Variants in CDS2 observed in about 807,000 individuals in gnomAD.
CDS2 encodes the protein CDP-diacylglycerol synthase 2.
A neutral mutation model predicts 59.0 loss-of-function variants in CDS2; 47 were observed. The ratio of observed to expected loss-of-function variants is 0.80; its 90% CI spans 0.63 to 1.02. CDS2 has a LOEUF of 1.02. CDS2 is among the 50% of genes least tolerant of loss of function. CDS2 has a pLI of 0.00. For synonymous variants in CDS2, 207 were observed against 206.4 expected, an observed-to-expected ratio of 1.00 and a Z score of -0.02; for missense variants, 356 against 558.9, an observed-to-expected ratio of 0.64 and a Z score of 3.66.
At chr20:5,132,875 TAGA>T (rs965052838) in intron 1 of CDS2, among the ~76,000 whole-genome samples, 14 of 152,244 alleles carry the variant, frequency 9.2e-5, no homozygotes, top group African/African-American at 3.1e-4. Flanking sequence ...GGTATTTCAT[TAGA>T]AGAATTTTTA....
rs766148505 is a variant in CDS2, at chr20:5,134,645, C to T, written c.57+7496C>T. Among the ~76,000 whole-genome samples, 46 of 152,178 alleles carry T rather than the reference C, an allele frequency of 3.0e-4. No homozygotes were observed. In the East Asian group the frequency reaches 3.3e-3, roughly 11 times the overall value. On this transcript the variant is annotated intron_variant, in intron 1 of 12. Transcript: ENST00000460006. Reference sequence around the variant, plus strand: ...AAGTGATTCTCCTGCCTCAGCCTCCCGAGTAGCTGGGATTACAGGCGCCCA... The same window carrying T: ...AAGTGATTCTCCTGCCTCAGCCTCCTGAGTAGCTGGGATTACAGGCGCCCA...
intron 1 of CDS2, among the ~76,000 whole-genome samples, chr20:5,137,442 C>T (rs1203579130): frequency 6.6e-6 from 1 of 151,838 alleles, no homozygotes; most frequent in Non-Finnish European, 1.5e-5. Flanking sequence ...TGGGTTTCAC[C>T]ATGTTAGCCA....
intron 10 of CDS2, 156 bp downstream of exon 10, chr20:5,186,995 A>G (rs1330978172): frequency 1.5e-5 from 9 of 615,248 alleles, no homozygotes; most frequent in African/African-American, 5.6e-5. Flanking sequence ...AGGTCAGGGT[A>G]TGGGCAGGAC....
In CDS2 at chr20:5,195,393, A is replaced by G. The variant is rs1468004103; in HGVS notation, c.*5159A>G. Reference sequence around the variant, plus strand: ...CACCATTTAGGAGGCCACCCTAACGAGGCAAGAGGACATGGGGGTGTGCAG... The same window carrying G: ...CACCATTTAGGAGGCCACCCTAACGGGGCAAGAGGACATGGGGGTGTGCAG... On this transcript the variant is annotated 3_prime_UTR_variant, in exon 13 of 13. Coordinates refer to ENST00000460006, the MANE Select transcript of CDS2 (RefSeq NM_003818.4). 1 of 152,132 alleles carries G rather than the reference A, an allele frequency of 6.6e-6. No homozygotes were observed. The highest frequency in any genetic ancestry group is 2.4e-5 in the African/African-American group (1 of 41,356). 9.4% of individuals were successfully genotyped at this position (152,132 alleles called of 1,614,324 possible). A position where few individuals can be genotyped will look rare whatever the true frequency, so the allele number is the denominator to read the frequency against.
At chr20:5,166,502 T>C (rs1346280281) in intron 1 of CDS2, among the ~76,000 whole-genome samples, 3 of 151,772 alleles carry the variant, frequency 2.0e-5, no homozygotes, top group Non-Finnish European at 2.9e-5. Flanking sequence ...TGAGAATGAA[T>C]GGGGAAACTC....
chr20:5,127,237 C>T, intron 1 of CDS2, 88 bp downstream of exon 1: 2 of 1,185,524 alleles, frequency 1.7e-6, no homozygotes, highest in South Asian at 1.7e-5. Context: ...TCGTCTTGTT[C>T]TCTGACCCTT....
rs779812337 is a variant in CDS2 at position 5,183,158 on chromosome 20, T to G, written c.671+15T>G. The G allele has an allele frequency of 3.1e-6, 5 of 1,607,908 alleles. No individual in the cohort carries two copies. In the East Asian group the frequency reaches 8.9e-5, roughly 29 times the overall value. ...GGAATGATCTGGTGAGAATTGGGAG[T>G]TGGATTTTCCCTTTTATTTTGTGAG... is the stretch of plus-strand genomic sequence containing the variant. On this transcript the variant is annotated intron_variant, in intron 7 of 12. Transcript: ENST00000460006.
At chr20:5,131,392 G>A (rs1226268495) in intron 1 of CDS2, among the ~76,000 whole-genome samples, 1 of 152,170 alleles carries the variant, frequency 6.6e-6, no homozygotes, top group East Asian at 1.9e-4. Context: ...TTTAGGCTTT[G>A]GGAATGATCC....
chr20:5,193,087 A>G lies in CDS2; in HGVS notation c.*2853A>G, dbSNP rs772859819. 4.6e-5 allele frequency: 7 copies of G among 152,348 alleles called. No individual in the cohort carries two copies. Among genetic ancestry groups the G allele is most frequent in the Non-Finnish European group, 7.3e-5 (5 of 68,046 alleles). The allele number at this position is 152,348 out of a possible 1,614,324, so 9.4% of individuals were successfully genotyped here. A position where few individuals can be genotyped will look rare whatever the true frequency, so the allele number is the denominator to read the frequency against. ...GTGGAACAAGGGGGTCATAGAAACC[A>G]GGGCTGATGGGCACCCCCCAGCCCC... On this transcript the variant is annotated 3_prime_UTR_variant, in exon 13 of 13. Transcript: ENST00000460006.
In CDS2 at chr20:5,186,874, T is replaced by G. The variant is rs765345410; in HGVS notation, c.981+35T>G. Reference sequence around the variant, plus strand: ...ACTCACAGGGGGTGAGCGGCCTCCATGGACAGTGGCTACAAAGAGAGATCC... The same window carrying G: ...ACTCACAGGGGGTGAGCGGCCTCCAGGGACAGTGGCTACAAAGAGAGATCC... On this transcript the variant is annotated intron_variant, in intron 10 of 12. Coordinates refer to ENST00000460006, the MANE Select transcript of CDS2 (RefSeq NM_003818.4). 3.7e-6 allele frequency: 6 copies of G among 1,611,418 alleles called. No individual in the cohort carries two copies. In the Admixed American group the frequency reaches 8.3e-5, roughly 22 times the overall value.
chr20:5,164,490 T>C (rs2090899537), intron 1 of CDS2, among the ~76,000 whole-genome samples: 1 of 152,196 alleles, frequency 6.6e-6, no homozygotes, highest in South Asian at 2.1e-4. Flanking sequence ...GTCCTGGTTC[T>C]ACTTCCTGAC....
chr20:5,171,091 T>C lies in CDS2; in HGVS notation c.58-2432T>C, dbSNP rs79599123. On this transcript the variant is annotated intron_variant, in intron 1 of 12. Coordinates refer to ENST00000460006, the MANE Select transcript of CDS2 (RefSeq NM_003818.4). ...CTATCTCCTTTTACTACTCTCTGCC[T>C]CTGGATACCCCTCTTCACTTCACCC... 3.1e-3 allele frequency among the ~76,000 whole-genome samples: 475 copies of C among 152,324 alleles called. 3 individuals are homozygous for C. The highest frequency in any genetic ancestry group is 0.01 in the African/African-American group (421 of 41,582).
Position 5,186,788 on chromosome 20 carries a change from TC to T in CDS2, c.931del (p.Arg311AlafsTer10). 1 of 1,614,176 alleles carries T rather than the reference TC, an allele frequency of 6.2e-7. No homozygotes were observed. Among genetic ancestry groups the T allele is most frequent in the East Asian group, 2.2e-5 (1 of 44,872 alleles). ...TVDCEPSDLF[R>X]LQEYNIPGVI... The stretch of plus-strand genomic sequence containing the variant: ...TGGACTGTGAGCCCTCGGACCTGTT[TC>T]GCCTGCAGGAGTACAACATTCCTGG... On this transcript the variant is annotated frameshift_variant, in exon 10 of 13. Transcript: ENST00000460006. LOFTEE classifies it high-confidence loss of function.
chr20:5,170,256 A>G (rs1169414299), intron 1 of CDS2, among the ~76,000 whole-genome samples: 1 of 151,508 alleles, frequency 6.6e-6, no homozygotes, highest in Non-Finnish European at 1.5e-5. Flanking sequence ...CTGTGCCCAG[A>G]GGAGCAAACT....
intron 3 of CDS2, among the ~76,000 whole-genome samples, chr20:5,175,899 C>G (rs1039587957): frequency 4.6e-5 from 7 of 152,202 alleles, no homozygotes; most frequent in Admixed American, 4.6e-4. Flanking sequence ...CCTGGGGCCT[C>G]CCTTCTGGGC....
chr20:5,153,247 A>T (rs1004073478), intron 1 of CDS2, among the ~76,000 whole-genome samples: 3 of 152,198 alleles, frequency 2.0e-5, no homozygotes, highest in African/African-American at 7.2e-5. Context: ...AGTCTATCTT[A>T]TACTTTTTAT....
Position 5,176,741 on chromosome 20 carries a change from A to T in CDS2, c.385A>T (p.Ser129Cys). 1 of 1,610,596 alleles carries T rather than the reference A, an allele frequency of 6.2e-7. No homozygotes were observed. Among genetic ancestry groups the T allele is most frequent in the South Asian group, 1.1e-5 (1 of 91,022 alleles). The change falls in exon 4 of 13, where the codon AGC becomes TGC. Residue 129 changes from serine to cysteine, a missense_variant. Physicochemically the swap from Ser to Cys is moderately radical, Grantham distance 112. Transcript: ENST00000460006. ...TGATCTGCCCTGGTTCAGGACGCTC[A>T]GCTGGTAAGCTCTCCGGCCCCACAG... The part of the protein sequence containing the change: ...SYDLPWFRTL[S>C]WYFLLCVNYF...
chr20:5,137,611 G>A lies in CDS2; in HGVS notation c.57+10462G>A, dbSNP rs144572633. On this transcript the variant is annotated intron_variant, in intron 1 of 12. Transcript: ENST00000460006. ...GCATCTCTGGCTAGAAGAGACGTAA[G>A]CATGTATTATTAAAAATTACAGAAG... 1.1e-3 allele frequency among the ~76,000 whole-genome samples: 162 copies of A among 151,860 alleles called. 1 individual carries two copies. Among genetic ancestry groups the A allele is most frequent in the African/African-American group, 3.6e-3 (149 of 41,484 alleles).
At chr20:5,139,367 A>G (rs186061974) in intron 1 of CDS2, among the ~76,000 whole-genome samples, 3 of 152,332 alleles carry the variant, frequency 2.0e-5, no homozygotes, top group East Asian at 3.9e-4. Context: ...TGTATCAAAA[A>G]CAAACAAAAA....
Sources: gnomAD v4.1 joint callset for allele counts (sites outside exome capture counted in the v4.1 genomes callset) on GRCh38, gnomAD v4.1.1 for gene constraint, MANE v1.5 for transcripts, NCBI Gene and HGNC (gene_info 2026-07-23, HGNC 2026-07-21) for gene names.